The following CDK14 variants were observed in gnomAD, a reference collection of about 807,000 sequenced individuals.
CDK14 encodes the protein cyclin dependent kinase 14.
A neutral mutation model predicts 60.7 loss-of-function variants in CDK14; 34 were observed. That is an observed-to-expected ratio of 0.56 (90% confidence interval 0.43 to 0.75). The LOEUF (loss-of-function observed/expected upper bound fraction) is 0.75. Among genes scored for constraint, CDK14 ranks in the 30% least tolerant of loss-of-function variants. CDK14 has a pLI of 0.00. For missense variants in CDK14, 482 were observed against 564.1 expected (o/e 0.85, Z 1.47); for synonymous variants, 197 against 203.7 (o/e 0.97, Z 0.28).
chr7:90,856,460 A>C (rs1790820028), intron 5 of CDK14, among the ~76,000 whole-genome samples: 1 of 152,090 alleles, frequency 6.6e-6, no homozygotes, highest in Admixed American at 6.5e-5. Flanking sequence ...CAGATTGATC[A>C]CAGTCACAGT....
chr7:90,826,279 C>T (rs1021669046), intron 5 of CDK14, among the ~76,000 whole-genome samples: 2 of 152,108 alleles, frequency 1.3e-5, no homozygotes, highest in African/African-American at 2.4e-5. Flanking sequence ...AGTGCAGTGG[C>T]GTGATCTCGG....
intron 2 of CDK14, among the ~76,000 whole-genome samples, chr7:90,687,425 G>A (rs1801459741): frequency 6.6e-6 from 1 of 152,034 alleles, no homozygotes; most frequent in Non-Finnish European, 1.5e-5. Flanking sequence ...GTGAGAAAAA[G>A]CTTTCTTTAG....
At chr7:91,036,588 C>T (rs575935165) in intron 10 of CDK14, among the ~76,000 whole-genome samples, 20 of 152,284 alleles carry the variant, frequency 1.3e-4, no homozygotes, top group Admixed American at 4.6e-4. Context: ...CCTCCTCAGC[C>T]TACTCAACAT....
At chr7:90,954,599 T>C (rs1053733677) in intron 8 of CDK14, among the ~76,000 whole-genome samples, 1 of 151,574 alleles carries the variant, frequency 6.6e-6, no homozygotes, top group African/African-American at 2.4e-5. Flanking sequence ...TTTAAATGTA[T>C]TTTCTGCCAA....
chr7:91,059,368 T>C (rs964756578), intron 11 of CDK14, among the ~76,000 whole-genome samples: 25 of 152,178 alleles, frequency 1.6e-4, no homozygotes, highest in Admixed American at 1.3e-4. Context: ...CCTGGATTCA[T>C]TGATTTTTTG....
chr7:91,066,831 G>A (rs115842720), intron 11 of CDK14, among the ~76,000 whole-genome samples: 52 of 152,132 alleles, frequency 3.4e-4, no homozygotes, highest in East Asian at 1.2e-3. Context: ...ATTTCTTCTC[G>A]GCAAGCTCTC....
At chr7:91,007,319 A>G (rs1257578320) in intron 10 of CDK14, among the ~76,000 whole-genome samples, 2 of 152,216 alleles carry the variant, frequency 1.3e-5, no homozygotes, top group African/African-American at 4.8e-5. Context: ...TCAATCTTAG[A>G]TAATTTGCCG....
At chr7:90,963,086 A>AGAATGTGT (rs146903374) in intron 9 of CDK14, among the ~76,000 whole-genome samples, 1 of 142,080 alleles carries the variant, frequency 7.0e-6, no homozygotes, top group Non-Finnish European at 1.5e-5. Flanking sequence ...TCATCTTAAG[A>AGAATGTGT]GTGTGTGTGT....
intron 8 of CDK14, 91 bp downstream of exon 8, chr7:90,917,815 C>A: frequency 1.6e-6 from 2 of 1,264,424 alleles, no homozygotes; most frequent in Non-Finnish European, 1.1e-6. Context: ...TGCACTTCTT[C>A]TATCATCATA....
intron 12 of CDK14, among the ~76,000 whole-genome samples, chr7:91,097,608 C>T (rs1194833757): frequency 6.6e-6 from 1 of 150,606 alleles, no homozygotes; most frequent in Non-Finnish European, 1.5e-5. Flanking sequence ...AAAAAACAAG[C>T]TATAAATATA....
At chr7:90,650,159 C>T (rs1026878643) in intron 2 of CDK14, among the ~76,000 whole-genome samples, 11 of 152,198 alleles carry the variant, frequency 7.2e-5, no homozygotes, top group African/African-American at 1.9e-4. Context: ...TTCTAACTGG[C>T]GTGAGATGGT....
At chr7:91,056,276 C>G (rs966026458) in intron 11 of CDK14, among the ~76,000 whole-genome samples, 2 of 152,056 alleles carry the variant, frequency 1.3e-5, no homozygotes, top group African/African-American at 4.8e-5. Context: ...ATGAGAGATT[C>G]GTGACTAAGT....
At chr7:91,132,518 GACAGAAGAA>G (rs1800149982) in intron 14 of CDK14, among the ~76,000 whole-genome samples, 1 of 152,154 alleles carries the variant, frequency 6.6e-6, no homozygotes, top group Non-Finnish European at 1.5e-5. Context: ...CCTGGTCACA[GACAGAAGAA>G]CCAAAACATC....
intron 2 of CDK14, among the ~76,000 whole-genome samples, chr7:90,711,221 T>A (rs1386919806): frequency 6.6e-6 from 1 of 152,068 alleles, no homozygotes; most frequent in Non-Finnish European, 1.5e-5. Flanking sequence ...GGGTAACTGT[T>A]GTGGTTCACT....
chr7:90,736,350 G>GTTTTTTTTT (rs869290471), intron 3 of CDK14, among the ~76,000 whole-genome samples: 16 of 50,270 alleles, frequency 3.2e-4, no homozygotes, highest in African/African-American at 3.5e-4. Context: ...TTATGTTTTT[G>GTTTTTTTTT]TTTTTTTTTT....
intron 6 of CDK14, among the ~76,000 whole-genome samples, chr7:90,884,345 G>C (rs1001204017): frequency 6.6e-6 from 1 of 152,088 alleles, no homozygotes; most frequent in Non-Finnish European, 1.5e-5. Flanking sequence ...TTGCTAGAAA[G>C]AGAATAAAAT....
chr7:90,984,081 T>C (rs1310438793), intron 9 of CDK14, 67 bp from the exon 10 acceptor site: 2 of 989,754 alleles, frequency 2.0e-6, no homozygotes, highest in African/African-American at 3.2e-5. Context: ...GATATTCTAA[T>C]TCCAGATTTA....
intron 4 of CDK14, among the ~76,000 whole-genome samples, chr7:90,775,662 T>TCCCCCTTCCCCTCCCCCTTG (rs1805007380): frequency 2.9e-5 from 1 of 34,734 alleles, no homozygotes; most frequent in African/African-American, 1.2e-4. Flanking sequence ...CCTCCCCCTT[T>TCCCCCTTCCCCTCCCCCTTG]CTCCTCCTCC....
intron 7 of CDK14, among the ~76,000 whole-genome samples, chr7:90,906,293 T>A (rs1792698409): frequency 6.6e-6 from 1 of 152,138 alleles, no homozygotes; most frequent in South Asian, 2.1e-4. Flanking sequence ...AAACCTCAAC[T>A]GAGCTAAAAT....
Sources: allele counts gnomAD v4.1 joint callset (sites outside exome capture counted in the v4.1 genomes callset), GRCh38; gene constraint gnomAD v4.1.1; transcripts MANE v1.5; gene names NCBI Gene and HGNC (gene_info 2026-07-23, HGNC 2026-07-21).